The following DOCK10 variants were observed in gnomAD, a reference collection of about 807,000 sequenced individuals.
DOCK10 encodes dedicator of cytokinesis protein 10.
In DOCK10, 145 loss-of-function variants were observed where a neutral mutation model predicts 280.1. That is an observed-to-expected ratio of 0.52 (90% CI 0.45 to 0.59). The LOEUF (loss-of-function observed/expected upper bound fraction) is 0.59, where lower values mean the gene tolerates loss of function less well. Among genes scored for constraint, DOCK10 ranks in the 20% least tolerant of loss-of-function variants. DOCK10 has a pLI of 0.00. For missense variants in DOCK10, 2,368 were observed against 2,651.7 expected, an observed-to-expected ratio of 0.89 and a Z score of 2.35; for synonymous variants, 915 against 942.2, an observed-to-expected ratio of 0.97 and a Z score of 0.53.
At chr2:224,878,547 A>G (rs946025133) in intron 7 of DOCK10, among the ~76,000 whole-genome samples, 2 of 152,202 alleles carry the variant, frequency 1.3e-5, no homozygotes, top group African/African-American at 2.4e-5. Context: ...CCGGCACAAC[A>G]AAGGGGCATC....
chr2:224,837,945 A>G, intron 24 of DOCK10, 114 bp from the exon 25 acceptor site: 2 of 791,024 alleles, frequency 2.5e-6, no homozygotes, highest in Non-Finnish European at 4.3e-6. Context: ...GGGTGAATGA[A>G]TGAACCAATC....
chr2:224,873,073 T>A (rs1308443990), intron 11 of DOCK10, among the ~76,000 whole-genome samples: 1 of 152,150 alleles, frequency 6.6e-6, no homozygotes, highest in African/African-American at 2.4e-5. Context: ...CACACAAATA[T>A]CAGTGAAGCT....
At chr2:224,832,182 C>A (rs1695282581) in intron 26 of DOCK10, among the ~76,000 whole-genome samples, 1 of 152,216 alleles carries the variant, frequency 6.6e-6, no homozygotes, top group Admixed American at 6.5e-5. Context: ...CTTTGCTTTA[C>A]TTCACAATTT....
rs1337448134 is a variant in DOCK10 at position 224,998,561 on chromosome 2, T to C, written c.123+43691A>G. ...CTCCCCTCTCCTGGTTCCTTCCCTT[T>C]AGCAGCATAAAAGCTTCTGCTATAT... On this transcript the variant is annotated intron_variant, in intron 1 of 55. Coordinates refer to ENST00000258390, the MANE Select transcript of DOCK10 (RefSeq NM_014689.3). Among the ~76,000 whole-genome samples, 6 of 152,142 alleles carry C rather than the reference T, an allele frequency of 3.9e-5. 1 individual carries two copies. The highest frequency in any genetic ancestry group is 3.3e-4 in the Admixed American group (5 of 15,282).
intron 51 of DOCK10, among the ~76,000 whole-genome samples, chr2:224,776,639 A>G (rs1271517377): frequency 6.6e-6 from 1 of 152,170 alleles, no homozygotes; most frequent in Non-Finnish European, 1.5e-5. Flanking sequence ...ACAGAAAAAA[A>G]AAAAAAGAAC....
At chr2:225,006,624 C>T (rs1689263440) in intron 1 of DOCK10, among the ~76,000 whole-genome samples, 1 of 152,208 alleles carries the variant, frequency 6.6e-6, no homozygotes, top group Non-Finnish European at 1.5e-5. Context: ...CCTACTACAC[C>T]TATCACACAC....
At chr2:225,014,570 TTTTA>T (rs1402296851) in intron 1 of DOCK10, among the ~76,000 whole-genome samples, 3 of 152,144 alleles carry the variant, frequency 2.0e-5, no homozygotes, top group Non-Finnish European at 4.4e-5. Context: ...TAATCATGCC[TTTTA>T]TTTGTGTCTT....
intron 1 of DOCK10, among the ~76,000 whole-genome samples, chr2:224,959,258 G>A (rs555171025): frequency 1.4e-5 from 2 of 145,212 alleles, no homozygotes; most frequent in East Asian, 2.0e-4. Context: ...AACATCTATC[G>A]CTGATAGGTT....
Position 225,024,906 on chromosome 2 carries a change from AAAG to A in DOCK10, c.123+17343_123+17345del, listed in dbSNP as rs948962379. ...TCTGTTTCAAAAAGAAAAAAAAGAA[AAAG>A]AAAAAAAAATCAAAAAAACATTTTG... On this transcript the variant is annotated intron_variant, in intron 1 of 55. Transcript: ENST00000258390. Among the ~76,000 whole-genome samples the A allele has an allele frequency of 1.1e-4, 16 of 151,958 alleles. No homozygotes were observed. The South Asian group carries it at 1.3e-3, about 12-fold the overall frequency.
intron 1 of DOCK10, among the ~76,000 whole-genome samples, chr2:225,033,094 T>C (rs1351162807): frequency 6.6e-6 from 1 of 152,234 alleles, no homozygotes; most frequent in Non-Finnish European, 1.5e-5. Flanking sequence ...AAATTCTACA[T>C]GTCTCAGAGG....
chr2:224,819,405 C>A, intron 29 of DOCK10, 41 bp downstream of exon 29: 2 of 1,316,690 alleles, frequency 1.5e-6, no homozygotes, highest in East Asian at 2.4e-5. Flanking sequence ...ATTTACAATG[C>A]CATAGTTTAG....
chr2:224,878,173 A>G (rs1009229206), intron 7 of DOCK10, among the ~76,000 whole-genome samples: 1 of 152,212 alleles, frequency 6.6e-6, no homozygotes, highest in South Asian at 2.1e-4. Context: ...GGATACTCTC[A>G]CAGACTGTCC....
intron 1 of DOCK10, among the ~76,000 whole-genome samples, chr2:224,988,651 C>A (rs1706040318): frequency 6.6e-6 from 1 of 152,170 alleles, no homozygotes; most frequent in Non-Finnish European, 1.5e-5. Flanking sequence ...CCTTTGAGAG[C>A]TGGTCTGTCC....
intron 4 of DOCK10, among the ~76,000 whole-genome samples, chr2:224,891,042 A>T (rs922830407): frequency 2.0e-5 from 3 of 152,192 alleles, no homozygotes; most frequent in Non-Finnish European, 2.9e-5. Flanking sequence ...CCAAAAAATA[A>T]ACCAAATTGA....
chr2:224,833,921 G>C (rs2125413339), intron 26 of DOCK10, among the ~76,000 whole-genome samples: 1 of 152,126 alleles, frequency 6.6e-6, no homozygotes, highest in Non-Finnish European at 1.5e-5. Context: ...TAAAATGCTG[G>C]GATTACAGAG....
At position 224,819,621 on chromosome 2, in the gene DOCK10, A is replaced by G; in HGVS notation, c.3184-92T>C. 3.7e-6 allele frequency: 3 copies of G among 805,810 alleles called. No individual in the cohort carries two copies. The South Asian group carries it at 6.1e-5, about 16-fold the overall frequency. The allele number at this position is 805,810 out of a possible 1,614,324, so 49.9% of individuals were successfully genotyped here. A position where few individuals can be genotyped will look rare whatever the true frequency, so the allele number is the denominator to read the frequency against. On this transcript the variant is annotated intron_variant, in intron 28 of 55. Transcript: ENST00000258390. ...ATGATTAAATATATTGAAGTAAAATAACACTAAACTAAATGTGTTGTATAA... is the reference window on the plus strand; with the variant it reads ...ATGATTAAATATATTGAAGTAAAATGACACTAAACTAAATGTGTTGTATAA...
At chr2:224,996,181 T>A (rs1408641904) in intron 1 of DOCK10, among the ~76,000 whole-genome samples, 2 of 152,226 alleles carry the variant, frequency 1.3e-5, no homozygotes, top group Admixed American at 6.5e-5. Context: ...TATCTGCTGT[T>A]TCTAATCAGG....
At chr2:224,941,599 G>A (rs914442730) in intron 1 of DOCK10, among the ~76,000 whole-genome samples, 2 of 152,046 alleles carry the variant, frequency 1.3e-5, no homozygotes, top group African/African-American at 2.4e-5. Context: ...ATCCCAGAAC[G>A]TTGGAAGGCC....
chr2:224,788,864 G>C lies in DOCK10; in HGVS notation c.5418+200C>G, dbSNP rs115021120. ...ATAATATACATTTGAGTCCATCTTAGAGAAGTAAGACTTAGTTTAAATTTT... is the reference window on the plus strand; with the variant it reads ...ATAATATACATTTGAGTCCATCTTACAGAAGTAAGACTTAGTTTAAATTTT... On this transcript the variant is annotated intron_variant, in intron 48 of 55. Coordinates refer to ENST00000258390, the MANE Select transcript of DOCK10 (RefSeq NM_014689.3). Among the ~76,000 whole-genome samples the C allele has an allele frequency of 5.8e-3, 879 of 152,266 alleles. 6 individuals are homozygous for C. The highest frequency in any genetic ancestry group is 0.02 in the African/African-American group (820 of 41,560).
Sources: gnomAD v4.1 joint callset for allele counts (sites outside exome capture counted in the v4.1 genomes callset) on GRCh38, gnomAD v4.1.1 for gene constraint, MANE v1.5 for transcripts, NCBI Gene and HGNC (gene_info 2026-07-23, HGNC 2026-07-21) for gene names.